Variants in SH3GL2 observed in about 807,000 individuals in gnomAD.
The protein encoded by SH3GL2 is endophilin-A1.
A neutral mutation model predicts 46.0 loss-of-function variants in SH3GL2; 24 were observed. The ratio of observed to expected loss-of-function variants is 0.52; its 90% CI spans 0.38 to 0.73. The LOEUF (loss-of-function observed/expected upper bound fraction) is 0.73, where lower values mean the gene tolerates loss of function less well. Among genes scored for constraint, SH3GL2 ranks in the 30% least tolerant of loss-of-function variants. SH3GL2 has a pLI of 0.00. For synonymous variants in SH3GL2, 196 were observed against 147.1 expected (o/e 1.33, Z -2.40); for missense variants, 413 against 424.2 (o/e 0.97, Z 0.23).
chr9:17,638,406 C>A (rs1819596465), intron 1 of SH3GL2, among the ~76,000 whole-genome samples: 1 of 152,072 alleles, frequency 6.6e-6, no homozygotes, highest in Non-Finnish European at 1.5e-5. Context: ...TTGGGTTGAT[C>A]TACCTGTATC....
intron 1 of SH3GL2, among the ~76,000 whole-genome samples, chr9:17,685,096 T>C (rs1287807149): frequency 6.6e-6 from 1 of 152,118 alleles, no homozygotes; most frequent in Admixed American, 6.6e-5. Context: ...CAAGGTTTTC[T>C]AGAGAAACAG....
intron 1 of SH3GL2, among the ~76,000 whole-genome samples, chr9:17,721,043 A>G (rs1442682901): frequency 1.3e-5 from 2 of 152,078 alleles, no homozygotes; most frequent in Admixed American, 1.3e-4. Flanking sequence ...TTCAGGCCAC[A>G]TCTGCTCTGC....
At chr9:17,626,399 G>A (rs1175356335) in intron 1 of SH3GL2, among the ~76,000 whole-genome samples, 1 of 152,210 alleles carries the variant, frequency 6.6e-6, no homozygotes, top group African/African-American at 2.4e-5. Flanking sequence ...AAGCCTCGCT[G>A]GGCCAGAGGT....
chr9:17,783,365 G>C (rs1339972071), intron 3 of SH3GL2, among the ~76,000 whole-genome samples: 1 of 151,432 alleles, frequency 6.6e-6, no homozygotes, highest in East Asian at 1.9e-4. Context: ...TGAGTTTACA[G>C]CATCCTCAGC....
intron 7 of SH3GL2, among the ~76,000 whole-genome samples, chr9:17,792,278 C>G (rs1403801818): frequency 1.3e-5 from 2 of 152,172 alleles, no homozygotes; most frequent in African/African-American, 4.8e-5. Flanking sequence ...TTATGTAATG[C>G]TGAAGCCTCC....
chr9:17,647,354 A>G (rs1819843317), intron 1 of SH3GL2, among the ~76,000 whole-genome samples: 1 of 152,180 alleles, frequency 6.6e-6, no homozygotes, highest in Non-Finnish European at 1.5e-5. Context: ...GCTAAATGCT[A>G]GATGTGGGTG....
In SH3GL2 at chr9:17,793,260, G is replaced by A. The variant is rs550567337; in HGVS notation, c.729-107G>A. On this transcript the variant is annotated intron_variant, in intron 7 of 8. Coordinates refer to ENST00000380607, the MANE Select transcript of SH3GL2 (RefSeq NM_003026.5). Reference sequence around the variant, plus strand: ...TTTTTGATTTCCCACACTTCATCATGGTAGCATGGTGGGTGACCCAAGCAT... The same window carrying A: ...TTTTTGATTTCCCACACTTCATCATAGTAGCATGGTGGGTGACCCAAGCAT... The A allele has an allele frequency of 2.6e-4, 250 of 958,298 alleles. 1 individual carries two copies. In the South Asian group the frequency reaches 2.8e-3, roughly 11 times the overall value. The allele number at this position is 958,298 out of a possible 1,614,324, so 59.4% of individuals were successfully genotyped here. A position where few individuals can be genotyped will look rare whatever the true frequency, so the allele number is the denominator to read the frequency against.
chr9:17,679,788 T>C (rs1204757331), intron 1 of SH3GL2, among the ~76,000 whole-genome samples: 3 of 152,160 alleles, frequency 2.0e-5, no homozygotes, highest in African/African-American at 4.8e-5. Flanking sequence ...CTCTTATTAT[T>C]TTGAGATATG....
At chr9:17,766,989 A>G (rs554787837) in intron 3 of SH3GL2, among the ~76,000 whole-genome samples, 33 of 152,346 alleles carry the variant, frequency 2.2e-4, no homozygotes, top group Admixed American at 5.9e-4. Context: ...ATGGAATTGT[A>G]GACAGTTGGA....
At position 17,709,080 on chromosome 9, in the gene SH3GL2, T is replaced by C. The variant is rs367906644; in HGVS notation, c.46-37986T>C. Among the ~76,000 whole-genome samples, 34 of 152,194 alleles carry C rather than the reference T, an allele frequency of 2.2e-4. 1 individual carries two copies. In the South Asian group the frequency reaches 6.8e-3, roughly 31 times the overall value. On this transcript the variant is annotated intron_variant, in intron 1 of 8. Coordinates refer to ENST00000380607, the MANE Select transcript of SH3GL2 (RefSeq NM_003026.5). Reference sequence around the variant, plus strand: ...ATGATTCTTACTCCTATCAAGACATTAGTTTTTGTTTCTAATGTGGGTAAA... The same window carrying C: ...ATGATTCTTACTCCTATCAAGACATCAGTTTTTGTTTCTAATGTGGGTAAA...
intron 1 of SH3GL2, among the ~76,000 whole-genome samples, chr9:17,692,161 A>G (rs191588411): frequency 6.6e-6 from 1 of 152,236 alleles, no homozygotes; most frequent in East Asian, 1.9e-4. Context: ...TGGAATATGC[A>G]GATGTTAAAA....
chr9:17,644,959 A>G (rs1014613968), intron 1 of SH3GL2, among the ~76,000 whole-genome samples: 1 of 135,310 alleles, frequency 7.4e-6, no homozygotes, highest in Non-Finnish European at 1.7e-5. Flanking sequence ...TGGGAGCCTA[A>G]GTTTCTTTGT....
At position 17,671,418 on chromosome 9, in the gene SH3GL2, G is replaced by A. The variant is rs575820856; in HGVS notation, c.46-75648G>A. Among the ~76,000 whole-genome samples the A allele has an allele frequency of 3.9e-4, 59 of 152,088 alleles. 1 individual carries two copies. Among genetic ancestry groups the A allele is most frequent in the African/African-American group, 1.4e-3 (59 of 41,494 alleles). On this transcript the variant is annotated intron_variant, in intron 1 of 8. Coordinates refer to ENST00000380607, the MANE Select transcript of SH3GL2 (RefSeq NM_003026.5). ...CAGGGTGAGGGGAAGGTTATGAGGC[G>A]ATAACACGACAAGGTGACTGTAGTC...
At chr9:17,697,720 A>G (rs1463965012) in intron 1 of SH3GL2, among the ~76,000 whole-genome samples, 2 of 152,060 alleles carry the variant, frequency 1.3e-5, no homozygotes, top group African/African-American at 4.8e-5. Context: ...AGCCTTCTAG[A>G]CTCCTAACCT....
chr9:17,689,149 C>T (rs1161324121), intron 1 of SH3GL2, among the ~76,000 whole-genome samples: 2 of 152,040 alleles, frequency 1.3e-5, no homozygotes, highest in Non-Finnish European at 2.9e-5. Context: ...CTTAAACTCC[C>T]ACCTCTAGTC....
At chr9:17,727,977 G>C (rs772951036) in intron 1 of SH3GL2, among the ~76,000 whole-genome samples, 1 of 152,112 alleles carries the variant, frequency 6.6e-6, no homozygotes, top group Non-Finnish European at 1.5e-5. Context: ...AACTGCCATT[G>C]GGAAGGAGAC....
chr9:17,746,953 G>T, intron 1 of SH3GL2, 113 bp from the exon 2 acceptor site: 1 of 697,140 alleles, frequency 1.4e-6, no homozygotes, highest in South Asian at 2.0e-5. Flanking sequence ...ACCTAAGTCA[G>T]GGAATGGTTG....
chr9:17,717,716 C>A lies in SH3GL2; in HGVS notation c.46-29350C>A, dbSNP rs146720587. On this transcript the variant is annotated intron_variant, in intron 1 of 8. Coordinates refer to ENST00000380607, the MANE Select transcript of SH3GL2 (RefSeq NM_003026.5). ...ACAGAAGTATGCCAGGCATGCTGGG[C>A]AAGTCATAGGATTTTATAGATGAAA... Among the ~76,000 whole-genome samples, 1,273 of 152,114 alleles carry A rather than the reference C, an allele frequency of 8.4e-3. 22 individuals are homozygous for A. Among genetic ancestry groups the A allele is most frequent in the African/African-American group, 0.029 (1,203 of 41,494 alleles).
At chr9:17,724,747 G>T (rs1477232494) in intron 1 of SH3GL2, among the ~76,000 whole-genome samples, 62 of 152,072 alleles carry the variant, frequency 4.1e-4, no homozygotes, top group Admixed American at 4.1e-3. Flanking sequence ...TAGTGACTTG[G>T]CTTTACTAAT....
Sources: allele counts gnomAD v4.1 joint callset (sites outside exome capture counted in the v4.1 genomes callset), GRCh38; gene constraint gnomAD v4.1.1; transcripts MANE v1.5; gene names NCBI Gene and HGNC (gene_info 2026-07-23, HGNC 2026-07-21).